The following GLRA1 variants were observed in gnomAD, a reference collection of about 807,000 sequenced individuals.
GLRA1 encodes glycine receptor alpha 1, also known as glycine receptor subunit alpha-1.
GLRA1 carries 37 observed loss-of-function variants against 48.3 expected under a neutral mutation model. The observed-to-expected ratio is 0.77, with a 90% CI of 0.59 to 1.01. GLRA1 has a LOEUF of 1.01. Among genes scored for constraint, GLRA1 ranks in the 50% least tolerant of loss-of-function variants. The probability of loss-of-function intolerance (pLI) is 0.00; values close to 1 mark genes in which losing one functional copy is unlikely to be tolerated. For synonymous variants in GLRA1, 196 were observed against 210.7 expected (o/e 0.93, Z 0.60); for missense variants, 427 against 571.0 (o/e 0.75, Z 2.57).
chr5:151,823,600 C>T (rs191591908), intron 8 of GLRA1, among the ~76,000 whole-genome samples: 208 of 152,318 alleles, frequency 1.4e-3, no homozygotes, highest in African/African-American at 4.9e-3. Context: ...TTCTTCCTGC[C>T]TCTACGTTCC....
intron 1 of GLRA1, among the ~76,000 whole-genome samples, chr5:151,893,999 C>T (rs1199435083): frequency 6.6e-6 from 1 of 152,120 alleles, no homozygotes; most frequent in African/African-American, 2.4e-5. Context: ...GGTTGAAGAA[C>T]ACTAATTTTG....
At chr5:151,885,680 G>C (rs981016939) in intron 3 of GLRA1, among the ~76,000 whole-genome samples, 3 of 152,222 alleles carry the variant, frequency 2.0e-5, no homozygotes, top group African/African-American at 7.2e-5. Flanking sequence ...TAAGCAATCG[G>C]TGCAGCTAGA....
chr5:151,855,152 G>C lies in GLRA1; in HGVS notation c.585C>G (p.Ile195Met). The change falls in exon 6 of 9, where the codon ATC becomes ATG. Residue 195 changes from isoleucine to methionine, a missense_variant. By Grantham distance (10) the Ile-to-Met change is conservative. Coordinates refer to ENST00000274576, the MANE Select transcript of GLRA1 (RefSeq NM_000171.4). ...ESFGYTMNDLIFEWQEQGAVQ... is the reference protein window; with the variant it reads ...ESFGYTMNDLMFEWQEQGAVQ... ...CGGCTCCCTGTTCCTGCCACTCAAA[G>C]ATGAGGTCATTCATCGTATATCCAA... 1.2e-6 allele frequency: 2 copies of C among 1,614,020 alleles called. No individual in the cohort carries two copies. The highest frequency in any genetic ancestry group is 1.7e-6 in the Non-Finnish European group (2 of 1,179,886).
At chr5:151,884,750 C>T (rs1753853312) in intron 3 of GLRA1, among the ~76,000 whole-genome samples, 1 of 150,500 alleles carries the variant, frequency 6.6e-6, no homozygotes, top group Non-Finnish European at 1.5e-5. Flanking sequence ...CAGTTCCTTA[C>T]AGAACCAGGT....
rs370730368 is a variant in GLRA1, at chr5:151,912,262, G to GTTTTTT, written c.56+12226_56+12231dup. ...CTCTTATTTGGCTCCTGTGAAGACTGTTTTTTTTTTTTTTTTTTCTACTAG... is the reference window on the plus strand; with the variant it reads ...CTCTTATTTGGCTCCTGTGAAGACTGTTTTTTTTTTTTTTTTTTTTTTTTCTACTAG... On this transcript the variant is annotated intron_variant, in intron 1 of 8. Transcript: ENST00000274576. Among the ~76,000 whole-genome samples the GTTTTTT allele has an allele frequency of 1.8e-4, 22 of 121,610 alleles. 1 individual carries two copies. Among genetic ancestry groups the GTTTTTT allele is most frequent in the African/African-American group, 1.9e-4 (6 of 32,140 alleles). The allele number at this position is 121,610 out of a possible 152,430, so 79.8% of individuals were successfully genotyped here.
chr5:151,863,227 A>G (rs990887567), intron 3 of GLRA1, among the ~76,000 whole-genome samples: 1 of 152,056 alleles, frequency 6.6e-6, no homozygotes, highest in African/African-American at 2.4e-5. Context: ...ACATGATGAT[A>G]CCTCATTTCT....
Position 151,822,766 on chromosome 5 carries a change from G to T in GLRA1, c.1257C>A (p.Ser419=). The T allele has an allele frequency of 6.2e-7, 1 of 1,613,806 alleles. No homozygotes were observed. The highest frequency in any genetic ancestry group is 1.3e-5 in the African/African-American group (1 of 75,000). Residue 419 remains serine (S), a synonymous_variant, in exon 9 of 9, where the codon TCC becomes TCA. Coordinates refer to ENST00000274576, the MANE Select transcript of GLRA1 (RefSeq NM_000171.4). Reference sequence around the variant, plus strand: ...GGAAGGCCATGGGGAAGCCAATGCGGGATATTTTGTCGATCTTCTTGGCCC... The same window carrying T: ...GGAAGGCCATGGGGAAGCCAATGCGTGATATTTTGTCGATCTTCTTGGCCC... ...IQRAKKIDKI[S]RIGFPMAFLI...
chr5:151,861,014 A>G (rs1263025516), intron 3 of GLRA1, among the ~76,000 whole-genome samples: 1 of 152,110 alleles, frequency 6.6e-6, no homozygotes, highest in Admixed American at 6.5e-5. Context: ...GCTGAGAATG[A>G]TGGTTTCCAG....
chr5:151,869,327 C>A (rs146407325), intron 3 of GLRA1, among the ~76,000 whole-genome samples: 2 of 150,220 alleles, frequency 1.3e-5, no homozygotes, highest in African/African-American at 4.9e-5. Flanking sequence ...TGGTCTCAAA[C>A]TCCTGGCCTC....
At chr5:151,895,968 A>G (rs1048865769) in intron 1 of GLRA1, among the ~76,000 whole-genome samples, 8 of 152,146 alleles carry the variant, frequency 5.3e-5, no homozygotes, top group African/African-American at 1.9e-4. Context: ...CCTCTCTGAT[A>G]ATAAGATTTG....
At chr5:151,899,833 T>A (rs946979204) in intron 1 of GLRA1, among the ~76,000 whole-genome samples, 3 of 152,112 alleles carry the variant, frequency 2.0e-5, no homozygotes, top group Admixed American at 6.6e-5. Context: ...CTCAGGGTCT[T>A]ATGGAACAAG....
Position 151,859,782 on chromosome 5 carries a change from C to CA in GLRA1, c.476+2dup. 1 of 1,601,266 alleles carries CA rather than the reference C, an allele frequency of 6.2e-7. No homozygotes were observed. The highest frequency in any genetic ancestry group is 8.6e-7 in the Non-Finnish European group (1 of 1,168,356). ...GGAGTGGGTGAACCTGGTCAGAACT[C>CA]ACCTGATGCTGTAGAGGACATTCCC... is the stretch of plus-strand genomic sequence containing the variant. On this transcript the variant is annotated splice_region_variant and intron_variant, in intron 4 of 8. Transcript: ENST00000274576.
intron 7 of GLRA1, among the ~76,000 whole-genome samples, chr5:151,839,940 C>T (rs1421744933): frequency 2.0e-5 from 3 of 151,982 alleles, no homozygotes; most frequent in African/African-American, 7.3e-5. Flanking sequence ...TCCAAGTAAA[C>T]TAAGACACTG....
intron 1 of GLRA1, among the ~76,000 whole-genome samples, chr5:151,907,893 A>G (rs1754515821): frequency 6.6e-6 from 1 of 152,208 alleles, no homozygotes; most frequent in African/African-American, 2.4e-5. Flanking sequence ...AGCAGGCACA[A>G]TGCTGTAATG....
intron 6 of GLRA1, among the ~76,000 whole-genome samples, chr5:151,854,448 C>T (rs2113348783): frequency 6.6e-6 from 1 of 152,316 alleles, no homozygotes; most frequent in East Asian, 1.9e-4. Flanking sequence ...CTTTCTTCTT[C>T]CATGCTTTTA....
At chr5:151,858,784 C>A (rs1219010514) in intron 4 of GLRA1, among the ~76,000 whole-genome samples, 1 of 151,122 alleles carries the variant, frequency 6.6e-6, no homozygotes, top group African/African-American at 2.4e-5. Flanking sequence ...AAAAAAAAAA[C>A]GTGTTTCCCT....
intron 5 of GLRA1, among the ~76,000 whole-genome samples, 181 bp downstream of exon 5, chr5:151,856,120 T>C (rs912926362): frequency 2.0e-5 from 3 of 152,186 alleles, no homozygotes; most frequent in East Asian, 1.9e-4. Context: ...AGTTAGGCAA[T>C]GTAAGGGAAG....
chr5:151,901,036 G>A (rs562521412), intron 1 of GLRA1, among the ~76,000 whole-genome samples: 17 of 152,252 alleles, frequency 1.1e-4, no homozygotes, highest in African/African-American at 3.4e-4. Context: ...CTAAACTCTG[G>A]CTCTGATACT....
chr5:151,904,656 A>G lies in GLRA1; in HGVS notation c.57-12218T>C, dbSNP rs114018699. 9.9e-3 allele frequency among the ~76,000 whole-genome samples: 1,512 copies of G among 152,342 alleles called. 28 individuals are homozygous for G. Among genetic ancestry groups the G allele is most frequent in the African/African-American group, 0.034 (1,432 of 41,572 alleles). On this transcript the variant is annotated intron_variant, in intron 1 of 8. Transcript: ENST00000274576. ...AGGCTCTGGCTTTTGCTAGCTGTGC[A>G]GCCTTGGACAAGTTACTTATTCTGT...
Sources: gnomAD v4.1 joint callset for allele counts (sites outside exome capture counted in the v4.1 genomes callset) on GRCh38, gnomAD v4.1.1 for gene constraint, MANE v1.5 for transcripts, NCBI Gene and HGNC (gene_info 2026-07-23, HGNC 2026-07-21) for gene names.